The following IGF2BP3 variants were observed in gnomAD, a reference collection of about 807,000 sequenced individuals.
IGF2BP3 encodes insulin like growth factor 2 mRNA binding protein 3.
IGF2BP3 carries 9 observed loss-of-function variants against 73.8 expected under a neutral mutation model. The ratio of observed to expected loss-of-function variants is 0.12; its 90% CI spans 0.07 to 0.21. The LOEUF (loss-of-function observed/expected upper bound fraction) is 0.21. Among genes scored for constraint, IGF2BP3 ranks in the 10% least tolerant of loss-of-function variants. The probability of loss-of-function intolerance (pLI) is 1.00; values close to 1 mark genes in which losing one functional copy is unlikely to be tolerated. For synonymous variants in IGF2BP3, 258 were observed against 256.7 expected, an observed-to-expected ratio of 1.01 and a Z score of -0.05; for missense variants, 542 against 714.0, an observed-to-expected ratio of 0.76 and a Z score of 2.75.
intron 5 of IGF2BP3, among the ~76,000 whole-genome samples, chr7:23,351,810 A>G (rs901345346): frequency 2.6e-5 from 4 of 152,180 alleles, no homozygotes; most frequent in African/African-American, 9.7e-5. Flanking sequence ...CAGTGGGGAA[A>G]AAGACCACAA....
chr7:23,319,311 T>G (rs1322923360), intron 10 of IGF2BP3, 57 bp from the exon 11 acceptor site: 3 of 1,156,376 alleles, frequency 2.6e-6, no homozygotes, highest in Non-Finnish European at 3.8e-6. Flanking sequence ...CAGGCTTTTG[T>G]TAACATTAGC....
chr7:23,313,396 T>C (rs954068393), intron 13 of IGF2BP3, 126 bp downstream of exon 13: 1 of 1,057,802 alleles, frequency 9.5e-7, no homozygotes, highest in Non-Finnish European at 1.4e-6. Flanking sequence ...GGCAATCTTC[T>C]CCAAACCTTG....
intron 3 of IGF2BP3, among the ~76,000 whole-genome samples, chr7:23,369,322 C>G (rs551487027): frequency 6.6e-6 from 1 of 152,244 alleles, no homozygotes; most frequent in East Asian, 1.9e-4. Flanking sequence ...GGTGTCACCT[C>G]CTGGTATGAT....
chr7:23,441,445 C>T (rs935751578), intron 2 of IGF2BP3, among the ~76,000 whole-genome samples: 3 of 151,680 alleles, frequency 2.0e-5, no homozygotes, highest in African/African-American at 2.4e-5. Flanking sequence ...TGGTGGTGCA[C>T]GCCTGTAGTT....
At chr7:23,430,159 C>A (rs1415878895) in intron 2 of IGF2BP3, among the ~76,000 whole-genome samples, 1 of 151,510 alleles carries the variant, frequency 6.6e-6, no homozygotes, top group African/African-American at 2.4e-5. Flanking sequence ...TCTCGGCTCA[C>A]TGCAACCTCC....
chr7:23,375,070 G>A (rs1785677129), intron 3 of IGF2BP3, among the ~76,000 whole-genome samples: 1 of 152,172 alleles, frequency 6.6e-6, no homozygotes, highest in Non-Finnish European at 1.5e-5. Context: ...TATTTGTTGA[G>A]TTTTAAATTT....
intron 3 of IGF2BP3, among the ~76,000 whole-genome samples, chr7:23,380,601 T>C (rs1785879141): frequency 6.6e-6 from 1 of 152,224 alleles, no homozygotes; most frequent in South Asian, 2.1e-4. Flanking sequence ...TATGTCTTCT[T>C]ACTTCTAGGA....
At chr7:23,338,287 C>T (rs540547206) in intron 10 of IGF2BP3, among the ~76,000 whole-genome samples, 6 of 152,268 alleles carry the variant, frequency 3.9e-5, no homozygotes, top group African/African-American at 1.2e-4. Flanking sequence ...TTCTCCCTTG[C>T]AATTGGTACT....
intron 10 of IGF2BP3, among the ~76,000 whole-genome samples, chr7:23,330,524 C>T (rs1784418156): frequency 6.6e-6 from 1 of 151,924 alleles, no homozygotes; most frequent in African/African-American, 2.4e-5. Context: ...TTGGCAAAAG[C>T]TTAAACCTAT....
intron 6 of IGF2BP3, among the ~76,000 whole-genome samples, chr7:23,348,075 C>A (rs924460221): frequency 6.6e-6 from 1 of 152,196 alleles, no homozygotes; most frequent in African/African-American, 2.4e-5. Flanking sequence ...CAAATAGGAA[C>A]TGGAGGGCAT....
intron 3 of IGF2BP3, among the ~76,000 whole-genome samples, chr7:23,409,801 T>G (rs1786960430): frequency 6.6e-6 from 1 of 152,164 alleles, no homozygotes; most frequent in Non-Finnish European, 1.5e-5. Context: ...GGCAAAAAGT[T>G]TTTAGACAGG....
intron 2 of IGF2BP3, chr7:23,468,009 G>A (rs1187686045): frequency 5.4e-6 from 1 of 184,000 alleles, no homozygotes; most frequent in East Asian, 1.4e-4. Context: ...CAGGGCAGAG[G>A]CAAATTCCTC....
At chr7:23,388,027 G>A (rs1359262175) in intron 3 of IGF2BP3, among the ~76,000 whole-genome samples, 3 of 151,918 alleles carry the variant, frequency 2.0e-5, no homozygotes, top group Non-Finnish European at 4.4e-5. Flanking sequence ...TGCAAGCTCC[G>A]CCTCCCGGGT....
intron 2 of IGF2BP3, among the ~76,000 whole-genome samples, chr7:23,430,131 T>A (rs1056685511): frequency 6.6e-6 from 1 of 151,202 alleles, no homozygotes; most frequent in African/African-American, 2.4e-5. Flanking sequence ...TCACCCAGGC[T>A]GGAGTGCAGT....
At chr7:23,331,589 T>C (rs893568689) in intron 10 of IGF2BP3, among the ~76,000 whole-genome samples, 5 of 151,950 alleles carry the variant, frequency 3.3e-5, no homozygotes, top group Non-Finnish European at 5.9e-5. Flanking sequence ...AAAAGGAGTT[T>C]AGACTCACCC....
intron 2 of IGF2BP3, among the ~76,000 whole-genome samples, chr7:23,429,652 T>C (rs896219717): frequency 3.3e-5 from 5 of 152,184 alleles, no homozygotes; most frequent in Non-Finnish European, 7.3e-5. Flanking sequence ...ATAACTTACA[T>C]ATGGCGACTC....
intron 3 of IGF2BP3, among the ~76,000 whole-genome samples, chr7:23,400,256 C>T (rs1342680248): frequency 6.6e-6 from 1 of 152,150 alleles, no homozygotes; most frequent in African/African-American, 2.4e-5. Context: ...ATTTCTAATG[C>T]AATTCAATTC....
In IGF2BP3 at chr7:23,458,104, C is replaced by T. The variant is rs567793081; in HGVS notation, c.236+10378G>A. Among the ~76,000 whole-genome samples the T allele has an allele frequency of 2.6e-5, 4 of 152,272 alleles. No individual in the cohort carries two copies. In the South Asian group the frequency reaches 6.2e-4, roughly 24 times the overall value. On this transcript the variant is annotated intron_variant, in intron 2 of 14. Coordinates refer to ENST00000258729, the MANE Select transcript of IGF2BP3 (RefSeq NM_006547.3). ...TTCCATTGGAATGACTACTGGGTGA[C>T]GTTGTATTCATCCTTTACACACATT... is the stretch of plus-strand genomic sequence containing the variant.
intron 3 of IGF2BP3, among the ~76,000 whole-genome samples, chr7:23,368,758 G>A (rs1409224900): frequency 2.6e-5 from 4 of 152,036 alleles, no homozygotes; most frequent in African/African-American, 7.2e-5. Flanking sequence ...TTAGCCGGGC[G>A]TGGTCGCGCT....
Sources: gnomAD v4.1 joint callset for allele counts (sites outside exome capture counted in the v4.1 genomes callset) on GRCh38, gnomAD v4.1.1 for gene constraint, MANE v1.5 for transcripts, NCBI Gene and HGNC (gene_info 2026-07-23, HGNC 2026-07-21) for gene names.